MMD2: variants seen among roughly 807,000 people sequenced by gnomAD.
The protein encoded by MMD2 is monocyte to macrophage differentiation associated 2.
In MMD2, 30 loss-of-function variants were observed where a neutral mutation model predicts 33.5. The observed-to-expected ratio is 0.90, with a 90% CI of 0.67 to 1.22. The LOEUF is 1.22. MMD2 is among the 50% of genes most tolerant of loss of function. The pLI is 0.00. For missense variants in MMD2, 364 were observed against 325.4 expected (o/e 1.12, Z -0.91); for synonymous variants, 129 against 123.0 (o/e 1.05, Z -0.32).
intron 4 of MMD2, 53 bp from the exon 5 acceptor site, chr7:4,911,299 C>A: frequency 2.1e-6 from 3 of 1,449,506 alleles, no homozygotes; most frequent in South Asian, 1.2e-5. Context: ...ACCAGGACCC[C>A]GGCCCTCGAG....
intron 1 of MMD2, among the ~76,000 whole-genome samples, chr7:4,935,373 G>C (rs560572534): frequency 6.6e-6 from 1 of 150,662 alleles, no homozygotes. Context: ...AAATACTGAC[G>C]ACTGGGCTCC....
chr7:4,903,969 G>C (rs1289093658), downstream of MMD2, among the ~76,000 whole-genome samples: 1 of 152,124 alleles, frequency 6.6e-6, no homozygotes, highest in African/African-American at 2.4e-5. Flanking sequence ...TTTCGCTTTT[G>C]TTGCCCAGGC....
chr7:4,929,624 A>C (rs1482942248), intron 1 of MMD2, among the ~76,000 whole-genome samples: 4 of 151,900 alleles, frequency 2.6e-5, no homozygotes, highest in Non-Finnish European at 4.4e-5. Flanking sequence ...TCCCGGGTTC[A>C]AGTGATTATC....
At chr7:4,914,505 C>T (rs979445506) in intron 4 of MMD2, among the ~76,000 whole-genome samples, 4 of 152,146 alleles carry the variant, frequency 2.6e-5, no homozygotes, top group African/African-American at 7.2e-5. Flanking sequence ...ATTTGGTTTT[C>T]GGTTTGTTTG....
At chr7:4,935,140 C>T (rs1785702719) in intron 1 of MMD2, among the ~76,000 whole-genome samples, 1 of 151,906 alleles carries the variant, frequency 6.6e-6, no homozygotes. Flanking sequence ...GAGCCGAGAT[C>T]GCGCTACCAC....
At chr7:4,914,164 TCCTC>T in intron 4 of MMD2, among the ~76,000 whole-genome samples, 1 of 152,266 alleles carries the variant, frequency 6.6e-6, no homozygotes, top group South Asian at 2.1e-4. Context: ...TTTCAAAAAC[TCCTC>T]ATGGATATGG....
chr7:4,941,362 G>A (rs183641794), intron 1 of MMD2, among the ~76,000 whole-genome samples: 6 of 152,358 alleles, frequency 3.9e-5, no homozygotes, highest in Admixed American at 3.9e-4. Flanking sequence ...GGGCGCGGTG[G>A]CTCGCGCCTG....
In MMD2 at chr7:4,959,110, G is replaced by T; in HGVS notation, c.-93C>A. Reference sequence around the variant, plus strand: ...CGGCGGCGGCAGCAGCAGGTTGGAGGGCGCGCGGCGGGGGCCAAGGGGACC... The same window carrying T: ...CGGCGGCGGCAGCAGCAGGTTGGAGTGCGCGCGGCGGGGGCCAAGGGGACC... On this transcript the variant is annotated 5_prime_UTR_variant, in exon 1 of 7. Transcript: ENST00000401401. 9.5e-7 allele frequency: 1 copy of T among 1,057,648 alleles called. No homozygotes were observed. The allele number at this position is 1,057,648 out of a possible 1,614,324, so 65.5% of individuals were successfully genotyped here. A position where few individuals can be genotyped will look rare whatever the true frequency, so the allele number is the denominator to read the frequency against.
chr7:4,892,996 G>A, the MMD2 span, among the ~76,000 whole-genome samples: 6 of 152,248 alleles, frequency 3.9e-5, no homozygotes, highest in South Asian at 2.1e-4. Flanking sequence ...TTACAGGCGC[G>A]AGCCACCGCA....
chr7:4,910,101 T>TA (rs2115087785), intron 5 of MMD2, 151 bp from the exon 6 acceptor site: 2 of 1,555,292 alleles, frequency 1.3e-6, no homozygotes, highest in East Asian at 4.5e-5. Flanking sequence ...TTGGCTCAGA[T>TA]TTCACCCAGC....
chr7:4,929,148 G>A (rs1416320780), intron 1 of MMD2, among the ~76,000 whole-genome samples: 3 of 152,128 alleles, frequency 2.0e-5, no homozygotes, highest in Admixed American at 6.6e-5. Flanking sequence ...TCCAGGTTCG[G>A]GTGACTGCTC....
chr7:4,936,217 A>T (rs1013911063), intron 1 of MMD2, among the ~76,000 whole-genome samples: 7 of 151,952 alleles, frequency 4.6e-5, no homozygotes, highest in Admixed American at 1.3e-4. Context: ...AAAAATGTAA[A>T]GTGTAACCAC....
At chr7:4,897,268 G>C in the MMD2 span, among the ~76,000 whole-genome samples, 2 of 147,072 alleles carry the variant, frequency 1.4e-5, no homozygotes, top group Non-Finnish European at 3.0e-5. Flanking sequence ...GCCAGAGTGA[G>C]ACATCTTGAT....
At chr7:4,909,651 G>T in intron 6 of MMD2, 1 of 712,434 alleles carries the variant, frequency 1.4e-6, no homozygotes, top group Non-Finnish European at 2.5e-6. Flanking sequence ...GCCCAGGCTG[G>T]TCTCAAATCC....
chr7:4,911,089 G>C, intron 5 of MMD2, 56 bp downstream of exon 5: 1 of 1,413,982 alleles, frequency 7.1e-7, no homozygotes. Context: ...GAGTGCTGGG[G>C]AGGCCAGAGC....
chr7:4,898,602 A>C, the MMD2 span, among the ~76,000 whole-genome samples: 1 of 152,160 alleles, frequency 6.6e-6, no homozygotes, highest in Non-Finnish European at 1.5e-5. Context: ...GGTATTAAGA[A>C]ATGAGGCGTT....
At chr7:4,951,377 T>G (rs1434187150) in intron 1 of MMD2, among the ~76,000 whole-genome samples, 1 of 152,010 alleles carries the variant, frequency 6.6e-6, no homozygotes, top group African/African-American at 2.4e-5. Flanking sequence ...CCAGGCTCAG[T>G]ATCCTCTCCA....
chr7:4,952,645 G>A (rs1374425501), intron 1 of MMD2, among the ~76,000 whole-genome samples: 1 of 149,898 alleles, frequency 6.7e-6, no homozygotes, highest in African/African-American at 2.5e-5. Flanking sequence ...GAACCCTATT[G>A]TGAACTGCAC....
chr7:4,900,484 C>T, the MMD2 span, among the ~76,000 whole-genome samples: 1 of 152,080 alleles, frequency 6.6e-6, no homozygotes, highest in African/African-American at 2.4e-5. Flanking sequence ...AGCATTCACC[C>T]ATCACCATGG....
Sources: gnomAD v4.1 joint callset for allele counts (sites outside exome capture counted in the v4.1 genomes callset) on GRCh38, gnomAD v4.1.1 for gene constraint, MANE v1.5 for transcripts, NCBI Gene and HGNC (gene_info 2026-07-23, HGNC 2026-07-21) for gene names.